Variants in ZNF10 observed in about 807,000 individuals in gnomAD.
The protein encoded by ZNF10 is zinc finger protein 10.
A neutral mutation model predicts 12.2 loss-of-function variants in ZNF10; 8 were observed. That is an observed-to-expected ratio of 0.66 (90% CI 0.39 to 1.18). ZNF10 has a LOEUF of 1.18. Ranked by LOEUF, ZNF10 falls within the 50% of genes most tolerant of loss-of-function variation. The pLI is 0.01. For synonymous variants in ZNF10, 229 were observed against 228.2 expected (o/e 1.00, Z -0.03); for missense variants, 603 against 678.9 (o/e 0.89, Z 1.24).
intron 1 of ZNF10, among the ~76,000 whole-genome samples, chr12:133,134,326 A>T (rs1306997495): frequency 6.6e-6 from 1 of 151,914 alleles, no homozygotes; most frequent in Non-Finnish European, 1.5e-5. Context: ...AAAAAAAAGT[A>T]AAAGGGGGAT....
chr12:133,141,991 C>T (rs969811485), intron 1 of ZNF10, among the ~76,000 whole-genome samples: 1 of 152,036 alleles, frequency 6.6e-6, no homozygotes, highest in Middle Eastern at 3.4e-3. Context: ...GGATTTCTTA[C>T]CAGAAATAAG....
At chr12:133,146,008 G>A (rs1385388450) in intron 2 of ZNF10, among the ~76,000 whole-genome samples, 1 of 152,118 alleles carries the variant, frequency 6.6e-6, no homozygotes, top group African/African-American at 2.4e-5. Context: ...AAAAGCACCA[G>A]GCCAGAAATC....
intron 1 of ZNF10, among the ~76,000 whole-genome samples, chr12:133,142,554 C>A (rs1454399325): frequency 1.3e-5 from 2 of 151,998 alleles, no homozygotes; most frequent in African/African-American, 4.8e-5. Flanking sequence ...CTTGACATTC[C>A]TGTAAAGAAG....
chr12:133,138,299 A>G (rs1434886782), intron 1 of ZNF10, among the ~76,000 whole-genome samples: 1 of 151,874 alleles, frequency 6.6e-6, no homozygotes, highest in Non-Finnish European at 1.5e-5. Flanking sequence ...GTGTCTGTCT[A>G]AACCAGAAGC....
At chr12:133,149,352 CTTT>C (rs144304054) in intron 2 of ZNF10, among the ~76,000 whole-genome samples, 2 of 85,804 alleles carry the variant, frequency 2.3e-5, no homozygotes, top group Non-Finnish European at 2.2e-5. Flanking sequence ...TTTGCTATTG[CTTT>C]TTTTTTTTTT....
intron 1 of ZNF10, among the ~76,000 whole-genome samples, chr12:133,131,396 G>A (rs1013830183): frequency 1.3e-5 from 2 of 151,360 alleles, no homozygotes; most frequent in East Asian, 1.9e-4. Context: ...TCAAGATTTC[G>A]TACGTAGATC....
At chr12:133,138,464 A>G (rs1235500708) in intron 1 of ZNF10, among the ~76,000 whole-genome samples, 1 of 151,826 alleles carries the variant, frequency 6.6e-6, no homozygotes, top group Non-Finnish European at 1.5e-5. Context: ...ACTTGAGCCC[A>G]GGAGTTTGAG....
chr12:133,140,449 A>G (rs1360155936), intron 1 of ZNF10, among the ~76,000 whole-genome samples: 1 of 148,500 alleles, frequency 6.7e-6, no homozygotes, highest in Non-Finnish European at 1.5e-5. Context: ...TTTTTTTTAA[A>G]TAAGTCTTAC....
intron 4 of ZNF10, among the ~76,000 whole-genome samples, chr12:133,155,065 C>T (rs969323425): frequency 1.0e-4 from 15 of 145,904 alleles, no homozygotes; most frequent in African/African-American, 2.6e-4. Flanking sequence ...ACAACAAGAG[C>T]GAAACTGTCT....
chr12:133,136,766 A>G (rs375869738), intron 1 of ZNF10, among the ~76,000 whole-genome samples: 69 of 152,266 alleles, frequency 4.5e-4, no homozygotes, highest in African/African-American at 1.6e-3. Context: ...TTATAGCAGG[A>G]GAATATAGTT....
chr12:133,144,489 G>T lies in ZNF10; in HGVS notation c.-4G>T. ...AAGGAAGTATCATCAAGAACAAGGA[G>T]GGCATGGATGCTAAGTCACTAACTG... On this transcript the variant is annotated 5_prime_UTR_variant, in exon 2 of 5. The change creates a new upstream start codon in the 5' untranslated region. Transcript: ENST00000248211. The T allele has an allele frequency of 6.2e-7, 1 of 1,613,928 alleles. No individual in the cohort carries two copies. Among genetic ancestry groups the T allele is most frequent in the Non-Finnish European group, 8.5e-7 (1 of 1,179,874 alleles).
chr12:133,148,616 C>A (rs1955989301), intron 2 of ZNF10, among the ~76,000 whole-genome samples: 1 of 151,986 alleles, frequency 6.6e-6, no homozygotes, highest in African/African-American at 2.4e-5. Flanking sequence ...TGCTAATATT[C>A]TTTGTTCTTA....
intron 1 of ZNF10, among the ~76,000 whole-genome samples, chr12:133,132,054 AGATT>A (rs1955881683): frequency 6.6e-6 from 1 of 152,200 alleles, no homozygotes; most frequent in African/African-American, 2.4e-5. Context: ...ATAAGCTAAT[AGATT>A]GATTGCCGTC....
rs115255920 is a variant in ZNF10 at position 133,137,696 on chromosome 12, G to A, written c.-59-6738G>A. Among the ~76,000 whole-genome samples, 1,270 of 152,198 alleles carry A rather than the reference G, an allele frequency of 8.3e-3. 8 individuals carry two copies. Among genetic ancestry groups the A allele is most frequent in the African/African-American group, 0.027 (1,135 of 41,540 alleles). On this transcript the variant is annotated intron_variant, in intron 1 of 4. Transcript: ENST00000248211. Reference sequence around the variant, plus strand: ...AGTAGCCTCAGCTGCTTGAGGTAAGGGATTAAATGCCTTGTTCACATTTCT... The same window carrying A: ...AGTAGCCTCAGCTGCTTGAGGTAAGAGATTAAATGCCTTGTTCACATTTCT...
rs185586638 is a variant in ZNF10, at chr12:133,159,071, A to C, written c.*2103A>C. ...ATTTCCTCAACTGTATAATGAGGTT[A>C]CTACTAGTATCTACCTCAAAGCGTT... On this transcript the variant is annotated 3_prime_UTR_variant, in exon 5 of 5. Coordinates refer to ENST00000248211, the MANE Select transcript of ZNF10 (RefSeq NM_015394.5). The C allele has an allele frequency of 6.6e-6, 1 of 152,376 alleles. No individual in the cohort carries two copies. Among genetic ancestry groups the C allele is most frequent in the East Asian group, 1.9e-4 (1 of 5,196 alleles). 9.4% of individuals were successfully genotyped at this position (152,376 alleles called of 1,614,324 possible).
In ZNF10 at chr12:133,130,729, T is replaced by C. The variant is rs888945471; in HGVS notation, c.-85T>C. The C allele has an allele frequency of 9.2e-5, 14 of 152,474 alleles. No individual in the cohort carries two copies. Among genetic ancestry groups the C allele is most frequent in the African/African-American group, 3.4e-4 (14 of 41,466 alleles). The allele number at this position is 152,474 out of a possible 1,614,324, so 9.4% of individuals were successfully genotyped here. A position where few individuals can be genotyped will look rare whatever the true frequency, so the allele number is the denominator to read the frequency against. ...TTTGTGACGGGATCGCTTTCTCCCA[T>C]CGAACCTTCTAGTTGCTTATTGCAG... is the stretch of plus-strand genomic sequence containing the variant. On this transcript the variant is annotated 5_prime_UTR_variant, in exon 1 of 5. Coordinates refer to ENST00000248211, the MANE Select transcript of ZNF10 (RefSeq NM_015394.5).
chr12:133,137,075 G>A (rs1478115615), intron 1 of ZNF10, among the ~76,000 whole-genome samples: 1 of 152,160 alleles, frequency 6.6e-6, no homozygotes, highest in African/African-American at 2.4e-5. Flanking sequence ...GTCATGTGAA[G>A]CTGCTAGCCC....
chr12:133,147,608 GTTT>G (rs149592494), intron 2 of ZNF10, among the ~76,000 whole-genome samples: 1 of 117,106 alleles, frequency 8.5e-6, no homozygotes, highest in Non-Finnish European at 1.7e-5. Flanking sequence ...TGTTTTCTGA[GTTT>G]TTTTTTTTTT....
chr12:133,150,081 CTG>C (rs1421691078), intron 2 of ZNF10, among the ~76,000 whole-genome samples: 2 of 152,160 alleles, frequency 1.3e-5, no homozygotes, highest in Non-Finnish European at 2.9e-5. Flanking sequence ...TTTCTTTCAA[CTG>C]TTCTGTATAT....
Sources: allele counts gnomAD v4.1 joint callset (sites outside exome capture counted in the v4.1 genomes callset), GRCh38; gene constraint gnomAD v4.1.1; transcripts MANE v1.5; gene names NCBI Gene and HGNC (gene_info 2026-07-23, HGNC 2026-07-21).